Variants in MIB1 observed in about 807,000 individuals in gnomAD.
The protein encoded by MIB1 is MIB E3 ubiquitin protein ligase 1, also known as E3 ubiquitin-protein ligase MIB1.
MIB1 carries 278 observed loss-of-function variants against 124.5 expected under a neutral mutation model. That is an observed-to-expected ratio of 2.23 (90% CI 2.02 to 2.47). The LOEUF (loss-of-function observed/expected upper bound fraction) is 2.47. MIB1 is among the 30% of genes most tolerant of loss of function. The pLI, the probability that MIB1 is intolerant of heterozygous loss-of-function variation, is 0.00. For missense variants in MIB1, 957 were observed against 1,254.4 expected (o/e 0.76, Z 3.58); for synonymous variants, 446 against 429.4 (o/e 1.04, Z -0.48).
At chr18:21,760,734 A>C (rs540325929) in intron 1 of MIB1, among the ~76,000 whole-genome samples, 14 of 152,320 alleles carry the variant, frequency 9.2e-5, no homozygotes, top group African/African-American at 3.4e-4. Context: ...TATGTAAATG[A>C]GGCAGTGGTT....
At chr18:21,712,849 C>T (rs2146353353) in intron 1 of MIB1, among the ~76,000 whole-genome samples, 1 of 152,164 alleles carries the variant, frequency 6.6e-6, no homozygotes, top group Admixed American at 6.5e-5. Context: ...CAATAGAAAC[C>T]TAATAGAGAA....
chr18:21,706,181 A>C (rs1372936374), intron 1 of MIB1, among the ~76,000 whole-genome samples: 3 of 152,276 alleles, frequency 2.0e-5, no homozygotes, highest in Non-Finnish European at 2.9e-5. Context: ...TCCCGGGTTC[A>C]CGTGATTCTC....
At position 21,768,723 on chromosome 18, in the gene MIB1, C is replaced by T; in HGVS notation, c.502C>T (p.Gln168Ter). Residue 168 changes from glutamine to a stop codon, truncating the protein, a stop_gained, in exon 3 of 21, where the codon CAA becomes TAA. Coordinates refer to ENST00000261537, the MANE Select transcript of MIB1 (RefSeq NM_020774.4). LOFTEE classifies it high-confidence loss of function. ...VRGVDWQWED[Q>*]DGGNGRRGKV... ...AGGAGTGGACTGGCAGTGGGAAGATCAAGATGGAGGAAATGGACGTAGGGG... is the reference window on the plus strand; with the variant it reads ...AGGAGTGGACTGGCAGTGGGAAGATTAAGATGGAGGAAATGGACGTAGGGG... The T allele has an allele frequency of 6.2e-7, 1 of 1,611,014 alleles. No homozygotes were observed. The highest frequency in any genetic ancestry group is 8.5e-7 in the Non-Finnish European group (1 of 1,178,500).
At chr18:21,772,144 A>G (rs1421956690) in intron 3 of MIB1, among the ~76,000 whole-genome samples, 6 of 152,216 alleles carry the variant, frequency 3.9e-5, no homozygotes, top group Non-Finnish European at 7.3e-5. Context: ...AATATATCAT[A>G]AAATACCTGG....
intron 10 of MIB1, among the ~76,000 whole-genome samples, chr18:21,805,459 G>A (rs2041693410): frequency 6.6e-6 from 1 of 152,042 alleles, no homozygotes; most frequent in Admixed American, 6.6e-5. Flanking sequence ...TGTAAGTTTA[G>A]GAACCTAGTG....
chr18:21,749,004 A>G (rs970162110), intron 1 of MIB1, among the ~76,000 whole-genome samples: 4 of 151,898 alleles, frequency 2.6e-5, no homozygotes, highest in Non-Finnish European at 5.9e-5. Context: ...AGCATCCCAG[A>G]TTGCCTGGAT....
intron 10 of MIB1, among the ~76,000 whole-genome samples, chr18:21,809,893 A>G (rs1045842104): frequency 1.3e-5 from 2 of 152,154 alleles, no homozygotes; most frequent in Admixed American, 6.5e-5. Context: ...AGTGCTGACC[A>G]GAGCAATTAG....
chr18:21,751,555 C>A (rs1446498421), intron 1 of MIB1, among the ~76,000 whole-genome samples: 1 of 152,096 alleles, frequency 6.6e-6, no homozygotes, highest in Non-Finnish European at 1.5e-5. Flanking sequence ...ACCTGCCACA[C>A]CCAGCTCACA....
Position 21,848,711 on chromosome 18 carries a change from A to G in MIB1, c.2394-485A>G, listed in dbSNP as rs527693785. Among the ~76,000 whole-genome samples the G allele has an allele frequency of 3.2e-4, 49 of 152,280 alleles. 1 individual carries two copies. The South Asian group carries it at 9.5e-3, about 30-fold the overall frequency. On this transcript the variant is annotated intron_variant, in intron 16 of 20. Transcript: ENST00000261537. ...TTTTATGTTCCTTAAGGATACACTT[A>G]AAAATGTCAAAACAGCAGCTGAAGT...
intron 13 of MIB1, among the ~76,000 whole-genome samples, chr18:21,840,639 A>G (rs1224679961): frequency 5.9e-4 from 2 of 3,408 alleles, no homozygotes; most frequent in Admixed American, 3.9e-3. Context: ...ATATATATAT[A>G]TATATATATA....
At chr18:21,798,063 G>T in intron 7 of MIB1, 21 bp from the exon 8 acceptor site, 1 of 1,611,264 alleles carries the variant, frequency 6.2e-7, no homozygotes, top group Non-Finnish European at 8.5e-7. Flanking sequence ...TTGGAAACAT[G>T]AATCTATTTT....
intron 1 of MIB1, among the ~76,000 whole-genome samples, chr18:21,751,654 ATTTTATTGGGGGAAAAATCCT>A (rs1437557367): frequency 6.6e-6 from 1 of 151,870 alleles, no homozygotes; most frequent in Non-Finnish European, 1.5e-5. Flanking sequence ...TTCCCTTCTC[ATTTTATTGGGGGAAAAATCCT>A]TTCCCCTTCC....
intron 1 of MIB1, among the ~76,000 whole-genome samples, chr18:21,724,758 A>G (rs1161340674): frequency 9.5e-6 from 1 of 105,758 alleles, no homozygotes; most frequent in African/African-American, 3.7e-5. Context: ...ATATATATAT[A>G]TATATATATA....
intron 6 of MIB1, among the ~76,000 whole-genome samples, chr18:21,786,048 T>C (rs1419634219): frequency 6.6e-6 from 1 of 152,124 alleles, no homozygotes; most frequent in African/African-American, 2.4e-5. Flanking sequence ...TTACTTTGTC[T>C]TTGACCTTTG....
At chr18:21,828,568 G>A (rs4591246) in intron 12 of MIB1, 46,822 of 151,758 alleles carry the variant, frequency 0.31, 8,170 homozygotes, top group African/African-American at 0.46. Flanking sequence ...CCAGCTCTTA[G>A]TATCTTATTT....
chr18:21,748,981 A>G (rs528619691), intron 1 of MIB1, among the ~76,000 whole-genome samples: 21 of 151,824 alleles, frequency 1.4e-4, no homozygotes, highest in African/African-American at 4.6e-4. Flanking sequence ...GCCTCAAGTG[A>G]TCCTTCAACC....
At chr18:21,853,018 T>A in intron 17 of MIB1, 122 bp from the exon 18 acceptor site, 2 of 656,006 alleles carry the variant, frequency 3.0e-6, no homozygotes, top group Non-Finnish European at 5.4e-6. Flanking sequence ...AAGTGTGTGT[T>A]AAATTTCTCT....
At chr18:21,856,244 A>AAAAAC (rs1429100944) in intron 18 of MIB1, among the ~76,000 whole-genome samples, 1 of 150,940 alleles carries the variant, frequency 6.6e-6, no homozygotes, top group African/African-American at 2.4e-5. Context: ...CTCAAAAAAA[A>AAAAAC]AACAAAAAAC....
intron 7 of MIB1, among the ~76,000 whole-genome samples, chr18:21,793,572 A>C (rs1258188394): frequency 6.6e-6 from 1 of 152,004 alleles, no homozygotes; most frequent in Non-Finnish European, 1.5e-5. Flanking sequence ...GCTTGAGCCA[A>C]GGAGTTGAGA....
Sources: gnomAD v4.1 joint callset for allele counts (sites outside exome capture counted in the v4.1 genomes callset) on GRCh38, gnomAD v4.1.1 for gene constraint, MANE v1.5 for transcripts, NCBI Gene and HGNC (gene_info 2026-07-23, HGNC 2026-07-21) for gene names.